The following MED13 variants were observed in gnomAD, a reference collection of about 807,000 sequenced individuals.
The protein encoded by MED13 is mediator complex subunit 13, also known as mediator of RNA polymerase II transcription subunit 13.
MED13 carries 23 observed loss-of-function variants against 225.2 expected under a neutral mutation model. The observed-to-expected ratio is 0.10, with a 90% CI of 0.07 to 0.14. MED13 has a LOEUF of 0.14. Ranked by LOEUF, MED13 falls within the 10% of genes least tolerant of loss-of-function variation. MED13 has a pLI of 1.00. For synonymous variants in MED13, 942 were observed against 889.2 expected, an observed-to-expected ratio of 1.06 and a Z score of -1.06; for missense variants, 2,197 against 2,594.5, an observed-to-expected ratio of 0.85 and a Z score of 3.33.
chr17:61,965,496 T>G (rs1482652488), intron 19 of MED13, 28 bp from the exon 20 acceptor site: 1 of 1,566,918 alleles, frequency 6.4e-7, no homozygotes, highest in South Asian at 1.2e-5. Flanking sequence ...GTACGAAATT[T>G]AATTCTTTAT....
At chr17:62,009,028 G>C (rs1385195362) in intron 9 of MED13, among the ~76,000 whole-genome samples, 1 of 151,996 alleles carries the variant, frequency 6.6e-6, no homozygotes, top group Non-Finnish European at 1.5e-5. Context: ...CAATAAGCAA[G>C]TAATTCACTA....
chr17:62,046,622 T>C (rs1032703412), intron 3 of MED13, among the ~76,000 whole-genome samples: 3 of 152,064 alleles, frequency 2.0e-5, no homozygotes, highest in Admixed American at 6.6e-5. Flanking sequence ...GGTGGGTAGC[T>C]TGAGCTCAGT....
chr17:61,962,566 CAT>C (rs1399853356), intron 21 of MED13, among the ~76,000 whole-genome samples, 184 bp downstream of exon 21: 20 of 152,140 alleles, frequency 1.3e-4, no homozygotes, highest in Middle Eastern at 6.8e-3. Context: ...TTATTACTGT[CAT>C]ATGACTATAA....
chr17:61,989,289 C>T (rs1567962496), intron 11 of MED13, among the ~76,000 whole-genome samples: 3 of 152,014 alleles, frequency 2.0e-5, no homozygotes, highest in African/African-American at 4.8e-5. Flanking sequence ...GGATTACAGG[C>T]GTGAGCCACC....
intron 3 of MED13, among the ~76,000 whole-genome samples, chr17:62,047,582 A>G (rs184143672): frequency 5.9e-5 from 9 of 152,232 alleles, no homozygotes; most frequent in East Asian, 1.9e-4. Flanking sequence ...GAGGGAGAGC[A>G]TAAGGACAAA....
Position 61,966,583 on chromosome 17 carries a change from A to C in MED13, c.4260T>G (p.Ser1420=), listed in dbSNP as rs1324293697. 4 of 1,613,986 alleles carry C rather than the reference A, an allele frequency of 2.5e-6. No individual in the cohort carries two copies. The highest frequency in any genetic ancestry group is 3.4e-6 in the Non-Finnish European group (4 of 1,179,896). ...TTTCTGATAGTTTCTTTGATGCAGT[A>C]GATCCAACTCTCATGATCCCATCTG... The part of the protein sequence containing the change: ...LLTDGIMRVG[S]TASKKLSEKL... Residue 1420 remains serine, a synonymous_variant, in exon 19 of 30, where the codon TCT becomes TCG. Transcript: ENST00000397786.
Position 61,992,543 on chromosome 17 carries a change from G to C in MED13, c.2260C>G (p.Gln754Glu). 1 of 1,598,418 alleles carries C rather than the reference G, an allele frequency of 6.3e-7. No homozygotes were observed. Among genetic ancestry groups the C allele is most frequent in the Non-Finnish European group, 8.6e-7 (1 of 1,166,276 alleles). The change falls in exon 11 of 30, where the codon CAA (glutamine) becomes GAA (glutamate). Residue 754 changes from glutamine to glutamate, a missense_variant. Gln to Glu is a conservative substitution (Grantham distance 29). This residue lies in a region of MED13 where 884 missense variants were observed against 918.5 expected (regional missense o/e 0.96). Coordinates refer to ENST00000397786, the MANE Select transcript of MED13 (RefSeq NM_005121.3). ...CATTAGGAAATAAAGATTTTACCTT[G>C]CTTGATAGAGGGACTAAATAATGAC... ...AMSLFSPSIKQDAPRPTSHAR... is the reference protein window; with the variant it reads ...AMSLFSPSIKEDAPRPTSHAR...
chr17:61,987,164 G>T, intron 11 of MED13, 36 bp from the exon 12 acceptor site: 6 of 1,526,922 alleles, frequency 3.9e-6, no homozygotes, highest in Non-Finnish European at 5.3e-6. Flanking sequence ...AATTAAAACT[G>T]CTACTACTAT....
Position 61,950,809 on chromosome 17 carries a change from A to G in MED13, c.6291+16T>C. On this transcript the variant is annotated intron_variant, in intron 28 of 29. Coordinates refer to ENST00000397786, the MANE Select transcript of MED13 (RefSeq NM_005121.3). ...CAATCAGAATTATTTAGGAACTGGGACAGAAATGGCAATACCTTAAGAAAA... is the reference window on the plus strand; with the variant it reads ...CAATCAGAATTATTTAGGAACTGGGGCAGAAATGGCAATACCTTAAGAAAA... The G allele has an allele frequency of 6.3e-7, 1 of 1,598,866 alleles. No homozygotes were observed. Among genetic ancestry groups the G allele is most frequent in the South Asian group, 1.1e-5 (1 of 88,890 alleles).
intron 9 of MED13, among the ~76,000 whole-genome samples, chr17:62,009,746 CAAGTA>C (rs2080488338): frequency 1.3e-5 from 2 of 151,986 alleles, no homozygotes; most frequent in African/African-American, 4.8e-5. Context: ...AATTCTTATA[CAAGTA>C]AACAAGGAAA....
At position 61,990,791 on chromosome 17, in the gene MED13, A is replaced by C. The variant is rs116207381; in HGVS notation, c.2263+1749T>G. ...ATGTCTCTCTATTCCATTCACAAGGAGTTTAAGTCAGACATATTCAAAGTG... is the reference window on the plus strand; with the variant it reads ...ATGTCTCTCTATTCCATTCACAAGGCGTTTAAGTCAGACATATTCAAAGTG... On this transcript the variant is annotated intron_variant, in intron 11 of 29. Coordinates refer to ENST00000397786, the MANE Select transcript of MED13 (RefSeq NM_005121.3). Among the ~76,000 whole-genome samples the C allele has an allele frequency of 2.0e-3, 297 of 152,196 alleles. 1 individual carries two copies. Among genetic ancestry groups the C allele is most frequent in the African/African-American group, 6.9e-3 (286 of 41,502 alleles).
At chr17:61,965,574 T>A in intron 19 of MED13, 106 bp from the exon 20 acceptor site, 1 of 1,166,480 alleles carries the variant, frequency 8.6e-7, no homozygotes, top group African/African-American at 1.6e-5. Flanking sequence ...GTTTTCTTGG[T>A]AATTATAGCC....
Position 61,944,307 on chromosome 17 carries a change from T to G in MED13, c.*2161A>C, listed in dbSNP as rs1161673642. 6.6e-6 allele frequency: 1 copy of G among 152,500 alleles called. No individual in the cohort carries two copies. Among genetic ancestry groups the G allele is most frequent in the African/African-American group, 2.4e-5 (1 of 41,440 alleles). The allele number at this position is 152,500 out of a possible 1,614,324, so 9.4% of individuals were successfully genotyped here. A position where few individuals can be genotyped will look rare whatever the true frequency, so the allele number is the denominator to read the frequency against. The stretch of plus-strand genomic sequence containing the variant: ...TATTTTGTAAAGTCACTATTAAGTG[T>G]ATAAAAAGGATACTCTTTTTATGGA... On this transcript the variant is annotated 3_prime_UTR_variant, in exon 30 of 30. Transcript: ENST00000397786.
rs570048564 is a variant in MED13 at position 62,056,698 on chromosome 17, C to T, written c.302-3993G>A. On this transcript the variant is annotated intron_variant, in intron 2 of 29. Coordinates refer to ENST00000397786, the MANE Select transcript of MED13 (RefSeq NM_005121.3). Reference sequence around the variant, plus strand: ...ATTGCTTGAGTCCAGGAGTCGGAGGCTGCAGTGAGCTATGATTAAGCACTG... The same window carrying T: ...ATTGCTTGAGTCCAGGAGTCGGAGGTTGCAGTGAGCTATGATTAAGCACTG... Among the ~76,000 whole-genome samples, 34 of 152,124 alleles carry T rather than the reference C, an allele frequency of 2.2e-4. No homozygotes were observed. In the East Asian group the frequency reaches 6.6e-3, roughly 29 times the overall value.
chr17:62,016,651 T>A (rs147220460), intron 8 of MED13, among the ~76,000 whole-genome samples: 1 of 152,304 alleles, frequency 6.6e-6, no homozygotes, highest in Non-Finnish European at 1.5e-5. Context: ...AAATGCCAAA[T>A]ATCACTAATG....
At position 62,065,185 on chromosome 17, in the gene MED13, C is replaced by T. The variant is rs751553536; in HGVS notation, c.21G>A (p.Pro7=). The change falls in exon 1 of 30, where the codon CCG becomes CCA. Residue 7 remains proline, a synonymous_variant. Transcript: ENST00000397786. Reference sequence around the variant, plus strand: ...GACAATCTTCCAGGCTGGCCCCGTTCGGCACGAAGGAGGCACTCATCGTCC... The same window carrying T: ...GACAATCTTCCAGGCTGGCCCCGTTTGGCACGAAGGAGGCACTCATCGTCC... MSASFV[P]NGASLEDCHC... The T allele has an allele frequency of 1.9e-6, 3 of 1,578,858 alleles. No homozygotes were observed. Among genetic ancestry groups the T allele is most frequent in the Non-Finnish European group, 8.6e-7 (1 of 1,164,038 alleles).
intron 3 of MED13, among the ~76,000 whole-genome samples, chr17:62,047,404 G>A (rs989177167): frequency 1.3e-5 from 2 of 152,074 alleles, no homozygotes; most frequent in Non-Finnish European, 2.9e-5. Flanking sequence ...GTCCTTTGCA[G>A]GGACATGGAT....
chr17:61,993,218 T>TTTTTTTTTG (rs2080317289), intron 10 of MED13, among the ~76,000 whole-genome samples: 1 of 146,718 alleles, frequency 6.8e-6, no homozygotes, highest in African/African-American at 2.6e-5. Context: ...TTTTTTTTTT[T>TTTTTTTTTG]TGAGACAGAG....
intron 3 of MED13, among the ~76,000 whole-genome samples, chr17:62,039,777 A>C (rs1283302965): frequency 2.0e-5 from 3 of 151,818 alleles, no homozygotes; most frequent in Non-Finnish European, 4.4e-5. Context: ...GTATTCTTTT[A>C]GTAGAGACGG....
Sources: gnomAD v4.1 joint callset for allele counts (sites outside exome capture counted in the v4.1 genomes callset) on GRCh38, gnomAD v4.1.1 for gene constraint, gnomAD v4.1.1 regional missense constraint, MANE v1.5 for transcripts, NCBI Gene and HGNC (gene_info 2026-07-23, HGNC 2026-07-21) for gene names.